The following ANXA6 variants were observed in gnomAD, a reference collection of about 807,000 sequenced individuals.
The protein encoded by ANXA6 is annexin A6.
Under a neutral mutation model 95.4 loss-of-function variants are expected in ANXA6, and 71 were observed. The observed-to-expected ratio is 0.74, with a 90% CI of 0.61 to 0.91. ANXA6 has a LOEUF of 0.91. ANXA6 is among the 40% of genes least tolerant of loss of function. ANXA6 has a pLI of 0.00. For missense variants in ANXA6, 830 were observed against 876.4 expected (o/e 0.95, Z 0.67); for synonymous variants, 289 against 315.9 (o/e 0.91, Z 0.90).
At chr5:151,143,648 T>G (rs1195309077) in intron 2 of ANXA6, among the ~76,000 whole-genome samples, 1 of 152,100 alleles carries the variant, frequency 6.6e-6, no homozygotes, top group African/African-American at 2.4e-5. Flanking sequence ...AAGGGCAGCA[T>G]GGGACCCAGG....
At chr5:151,107,534 C>T (rs1230230482) in intron 23 of ANXA6, among the ~76,000 whole-genome samples, 1 of 152,242 alleles carries the variant, frequency 6.6e-6, no homozygotes, top group Non-Finnish European at 1.5e-5. Context: ...TCTAACACAC[C>T]TTTCCCCCAC....
intron 12 of ANXA6, chr5:151,128,442 C>T (rs1295013101): frequency 7.1e-6 from 4 of 559,608 alleles, no homozygotes; most frequent in East Asian, 3.0e-5. Context: ...ATAGCATTTG[C>T]CTATTTCTGT....
intron 2 of ANXA6, among the ~76,000 whole-genome samples, chr5:151,140,943 T>G (rs1271137435): frequency 6.6e-6 from 1 of 152,214 alleles, no homozygotes; most frequent in African/African-American, 2.4e-5. Context: ...AGGTGCCAGC[T>G]ACTGAGGGTG....
intron 1 of ANXA6, among the ~76,000 whole-genome samples, chr5:151,156,398 G>C (rs74707814): frequency 6.6e-6 from 1 of 152,206 alleles, no homozygotes; most frequent in Non-Finnish European, 1.5e-5. Flanking sequence ...CAGTGCCCTC[G>C]GCGTGGCTCA....
chr5:151,124,943 G>A (rs927707395), intron 14 of ANXA6, among the ~76,000 whole-genome samples: 2 of 152,140 alleles, frequency 1.3e-5, no homozygotes, highest in African/African-American at 4.8e-5. Context: ...ATCAATTTTT[G>A]AAGTGCATTT....
intron 10 of ANXA6, 149 bp from the exon 11 acceptor site, chr5:151,131,438 CACCCCAGACCA>C (rs1397534901): frequency 2.8e-6 from 2 of 716,874 alleles, no homozygotes; most frequent in Non-Finnish European, 4.8e-6. Context: ...AGCCCCAGAT[CACCCCAGACCA>C]ACCCACTTTT....
chr5:151,133,083 C>T lies in ANXA6; in HGVS notation c.640+11G>A, dbSNP rs1179673674. On this transcript the variant is annotated intron_variant, in intron 9 of 25. Transcript: ENST00000354546. ...CCAAGGGAGCAGCTTCAGGTCTTCT[C>T]TGGAGCTTACCCAACCGAAGATGCT... The T allele has an allele frequency of 6.3e-7, 1 of 1,579,840 alleles. No homozygotes were observed. Among genetic ancestry groups the T allele is most frequent in the Non-Finnish European group, 8.6e-7 (1 of 1,160,944 alleles).
chr5:151,108,527 T>C lies in ANXA6; in HGVS notation c.1708A>G (p.Thr570Ala), dbSNP rs1764762414. ...ATGGTGTGCTCCACGTCATAGTTGG[T>C]CATCTTGATGAACTCCTGGAAGACT... ...RRVFQEFIKM[T>A]NYDVEHTIKK... is the part of the protein sequence containing the mutation. The change falls in exon 23 of 26, where the codon ACC becomes GCC. Residue 570 changes from threonine to alanine, a missense_variant. Thr to Ala is a moderately conservative substitution (Grantham distance 58). Transcript: ENST00000354546. 6.2e-7 allele frequency: 1 copy of C among 1,613,788 alleles called. No individual in the cohort carries two copies.
At chr5:151,119,219 G>T in intron 18 of ANXA6, 81 bp downstream of exon 18, 1 of 1,185,240 alleles carries the variant, frequency 8.4e-7, no homozygotes, top group Non-Finnish European at 1.3e-6. Flanking sequence ...CCAGAGTCCT[G>T]GGCAGAGCTG....
intron 23 of ANXA6, 64 bp downstream of exon 23, chr5:151,108,391 T>G: frequency 6.8e-7 from 1 of 1,460,066 alleles, no homozygotes; most frequent in South Asian, 1.1e-5. Flanking sequence ...AAGGTTCTAT[T>G]CTTCCAGAGA....
At chr5:151,112,569 C>T (rs973812039) in intron 20 of ANXA6, among the ~76,000 whole-genome samples, 23 of 152,242 alleles carry the variant, frequency 1.5e-4, no homozygotes, top group African/African-American at 5.5e-4. Context: ...CAGTAGCTCA[C>T]ACCTGTAATC....
intron 16 of ANXA6, among the ~76,000 whole-genome samples, 162 bp from the exon 17 acceptor site, chr5:151,122,422 G>A (rs1219972657): frequency 6.6e-6 from 1 of 152,176 alleles, no homozygotes; most frequent in Non-Finnish European, 1.5e-5. Flanking sequence ...TGAAGCCAAA[G>A]AGGGTAGGGA....
intron 11 of ANXA6, among the ~76,000 whole-genome samples, chr5:151,130,305 T>C (rs913408142): frequency 6.6e-6 from 1 of 151,772 alleles, no homozygotes; most frequent in African/African-American, 2.4e-5. Flanking sequence ...CGTGATCACA[T>C]AGCACTGCGT....
rs201350840 is a variant in ANXA6, at chr5:151,122,931, A to C, written c.1219T>G (p.Ser407Ala). ...GAGGTCCTTACCCGGCCAAAGTGAG[A>C]CTTGAAGGTCTGCCGGATCTGCTGC... is the stretch of plus-strand genomic sequence containing the variant. Reference protein sequence around the residue: ...QRQQIRQTFKSHFGRDLMTDL... With the variant: ...QRQQIRQTFKAHFGRDLMTDL... Residue 407 changes from serine (S) to alanine (A), a missense_variant, in exon 16 of 26, where the codon TCT (serine) becomes GCT (alanine). Ser to Ala is a moderately conservative substitution (Grantham distance 99). Coordinates refer to ENST00000354546, the MANE Select transcript of ANXA6 (RefSeq NM_001155.5). 661 of 1,613,796 alleles carry C rather than the reference A, an allele frequency of 4.1e-4. 2 individuals carry two copies. The highest frequency in any genetic ancestry group is 4.9e-4 in the Non-Finnish European group (581 of 1,179,876).
chr5:151,117,238 GTA>G, intron 19 of ANXA6, 58 bp from the exon 20 acceptor site: 1 of 1,497,930 alleles, frequency 6.7e-7, no homozygotes, highest in Non-Finnish European at 9.1e-7. Flanking sequence ...CTCCATCTCT[GTA>G]CCACCACACA....
intron 20 of ANXA6, among the ~76,000 whole-genome samples, chr5:151,111,468 A>G (rs112546219): frequency 2.6e-5 from 4 of 152,350 alleles, no homozygotes; most frequent in African/African-American, 4.8e-5. Context: ...ATAATTGGCA[A>G]TGTCCGTTAA....
intron 15 of ANXA6, among the ~76,000 whole-genome samples, 179 bp downstream of exon 15, chr5:151,124,107 C>A (rs753192644): frequency 3.9e-5 from 6 of 152,154 alleles, no homozygotes; most frequent in Admixed American, 1.3e-4. Context: ...CCTTATGAAC[C>A]CTCTCCTGCC....
In ANXA6 at chr5:151,140,081, C is replaced by T. The variant is rs546770035; in HGVS notation, c.109+72G>A. 4.3e-6 allele frequency: 6 copies of T among 1,388,946 alleles called. No individual in the cohort carries two copies. In the African/African-American group the frequency reaches 7.1e-5, roughly 16 times the overall value. The allele number at this position is 1,388,946 out of a possible 1,614,324, so 86.0% of individuals were successfully genotyped here. A position where few individuals can be genotyped will look rare whatever the true frequency, so the allele number is the denominator to read the frequency against. ...ACCATTTCACAGACCCTACCACCAC[C>T]ACCAGAAGGGCTCTGGGCTGTGTCT... On this transcript the variant is annotated intron_variant, in intron 3 of 25. Coordinates refer to ENST00000354546, the MANE Select transcript of ANXA6 (RefSeq NM_001155.5).
chr5:151,123,997 C>T (rs960656258), intron 15 of ANXA6, among the ~76,000 whole-genome samples: 3 of 152,174 alleles, frequency 2.0e-5, no homozygotes, highest in East Asian at 3.9e-4. Flanking sequence ...AGCCAGGGCA[C>T]CATGCCAATT....
Sources: allele counts gnomAD v4.1 joint callset (sites outside exome capture counted in the v4.1 genomes callset), GRCh38; gene constraint gnomAD v4.1.1; transcripts MANE v1.5; gene names NCBI Gene and HGNC (gene_info 2026-07-23, HGNC 2026-07-21).